GALNT17: variants seen among roughly 807,000 people sequenced by gnomAD.
The protein encoded by GALNT17 is polypeptide N-acetylgalactosaminyltransferase 17.
GALNT17 carries 29 observed loss-of-function variants against 63.7 expected under a neutral mutation model. That is an observed-to-expected ratio of 0.46 (90% CI 0.34 to 0.62). The LOEUF is 0.62. Among genes scored for constraint, GALNT17 ranks in the 20% least tolerant of loss-of-function variants. GALNT17 has a pLI of 0.01. For synonymous variants in GALNT17, 305 were observed against 318.3 expected (o/e 0.96, Z 0.45); for missense variants, 603 against 799.6 (o/e 0.75, Z 2.97).
At chr7:71,690,442 C>A (rs574354240) in intron 9 of GALNT17, among the ~76,000 whole-genome samples, 1 of 152,012 alleles carries the variant, frequency 6.6e-6, no homozygotes, top group Admixed American at 6.6e-5. Flanking sequence ...CTGATGGATA[C>A]GTACCAAAAG....
At chr7:71,423,432 T>G (rs1222279749) in intron 5 of GALNT17, among the ~76,000 whole-genome samples, 4 of 152,190 alleles carry the variant, frequency 2.6e-5, no homozygotes, top group African/African-American at 4.8e-5. Flanking sequence ...AGGACCAAAC[T>G]GACTCTAAAA....
chr7:71,649,518 G>A (rs1025226821), intron 6 of GALNT17, among the ~76,000 whole-genome samples: 1 of 152,098 alleles, frequency 6.6e-6, no homozygotes, highest in Admixed American at 6.6e-5. Context: ...GAAGTCCTGG[G>A]ACAGGAAGAT....
chr7:71,208,279 C>G (rs1366922521), intron 1 of GALNT17, among the ~76,000 whole-genome samples: 1 of 152,004 alleles, frequency 6.6e-6, no homozygotes, highest in Non-Finnish European at 1.5e-5. Context: ...TCTCAAAACA[C>G]AACAGATGCC....
At chr7:71,331,228 C>G (rs1452354085) in intron 1 of GALNT17, among the ~76,000 whole-genome samples, 1 of 152,134 alleles carries the variant, frequency 6.6e-6, no homozygotes, top group Non-Finnish European at 1.5e-5. Flanking sequence ...TTATCTCCTA[C>G]CCTGGGATGG....
chr7:71,314,910 C>A (rs1452780786), intron 1 of GALNT17, among the ~76,000 whole-genome samples: 3 of 152,114 alleles, frequency 2.0e-5, no homozygotes, highest in African/African-American at 7.2e-5. Flanking sequence ...AGTGATGAGA[C>A]CCTGTCTGCA....
intron 1 of GALNT17, among the ~76,000 whole-genome samples, chr7:71,276,907 A>G (rs1212734821): frequency 6.6e-6 from 1 of 152,164 alleles, no homozygotes; most frequent in African/African-American, 2.4e-5. Context: ...CTGAGGCAGG[A>G]GAATCACTTG....
chr7:71,572,194 T>C (rs1451678981), intron 6 of GALNT17, among the ~76,000 whole-genome samples: 2 of 149,728 alleles, frequency 1.3e-5, no homozygotes, highest in Non-Finnish European at 3.0e-5. Flanking sequence ...CTGGGCAAAG[T>C]AGGAAGACGC....
chr7:71,468,399 T>TTTTTA (rs1434678794), intron 5 of GALNT17, among the ~76,000 whole-genome samples: 4 of 151,568 alleles, frequency 2.6e-5, no homozygotes, highest in African/African-American at 4.8e-5. Flanking sequence ...TCCTCCCATC[T>TTTTTA]TTTTATTTTA....
intron 5 of GALNT17, among the ~76,000 whole-genome samples, chr7:71,487,851 A>G (rs565001561): frequency 6.6e-6 from 1 of 152,264 alleles, no homozygotes; most frequent in Non-Finnish European, 1.5e-5. Context: ...ATTGCCCCAC[A>G]TATAGGTGGC....
chr7:71,539,064 G>C (rs1434622425), intron 5 of GALNT17, among the ~76,000 whole-genome samples: 2 of 152,126 alleles, frequency 1.3e-5, no homozygotes, highest in African/African-American at 4.8e-5. Flanking sequence ...CCGAGTAGCT[G>C]GGATTCCAGG....
intron 10 of GALNT17, 82 bp from the exon 11 acceptor site, chr7:71,711,936 C>G (rs903648007): frequency 1.4e-6 from 2 of 1,472,078 alleles, no homozygotes; most frequent in Non-Finnish European, 1.9e-6. Context: ...TCTCCTGTCT[C>G]TCTTTCTCCT....
chr7:71,422,667 C>G (rs1461931034), intron 5 of GALNT17, among the ~76,000 whole-genome samples: 1 of 152,322 alleles, frequency 6.6e-6, no homozygotes, highest in East Asian at 1.9e-4. Context: ...TTACAGCTCC[C>G]GAAGCCCCAG....
chr7:71,385,996 GT>G (rs2116334148), intron 2 of GALNT17, among the ~76,000 whole-genome samples: 1 of 152,306 alleles, frequency 6.6e-6, no homozygotes, highest in East Asian at 1.9e-4. Context: ...CAGGCCAGGA[GT>G]TCGAGACCAG....
At chr7:71,391,507 G>A (rs914566761) in intron 3 of GALNT17, among the ~76,000 whole-genome samples, 2 of 152,064 alleles carry the variant, frequency 1.3e-5, no homozygotes, top group Non-Finnish European at 2.9e-5. Flanking sequence ...TTGAGACAGG[G>A]TCTCTCACTC....
chr7:71,417,509 G>A (rs1583934335), intron 4 of GALNT17, among the ~76,000 whole-genome samples: 2 of 152,008 alleles, frequency 1.3e-5, no homozygotes, highest in Admixed American at 1.3e-4. Flanking sequence ...AAAGTGTGGC[G>A]CCCCAGACCC....
chr7:71,634,685 C>T (rs570920673), intron 6 of GALNT17, among the ~76,000 whole-genome samples: 133 of 146,690 alleles, frequency 9.1e-4, no homozygotes, highest in African/African-American at 2.9e-3. Context: ...ACCTGGGAGG[C>T]GGAGGTTGCA....
chr7:71,358,815 C>T (rs758073060), intron 2 of GALNT17, among the ~76,000 whole-genome samples: 7 of 151,074 alleles, frequency 4.6e-5, no homozygotes, highest in Non-Finnish European at 7.4e-5. Flanking sequence ...CTCTTGTTGC[C>T]CAGGCTGGAG....
chr7:71,594,489 C>T lies in GALNT17; in HGVS notation c.1080+23087C>T, dbSNP rs185260685. On this transcript the variant is annotated intron_variant, in intron 6 of 10. Transcript: ENST00000333538. ...ATTTTTAGTAGAGATGGGGTTTTGC[C>T]CTGTTGCCCAGGCTGGTCTGGAACT... Among the ~76,000 whole-genome samples the T allele has an allele frequency of 2.2e-4, 34 of 152,096 alleles. No individual in the cohort carries two copies. The East Asian group carries it at 6.6e-3, about 30-fold the overall frequency.
intron 5 of GALNT17, among the ~76,000 whole-genome samples, chr7:71,539,276 G>T (rs1477236993): frequency 6.6e-6 from 1 of 152,070 alleles, no homozygotes; most frequent in Admixed American, 6.6e-5. Flanking sequence ...CTCTCTCTGG[G>T]CGCTTGGCAT....
Sources: allele counts gnomAD v4.1 joint callset (sites outside exome capture counted in the v4.1 genomes callset), GRCh38; gene constraint gnomAD v4.1.1; transcripts MANE v1.5; gene names NCBI Gene and HGNC (gene_info 2026-07-23, HGNC 2026-07-21).